VPS50: variants seen among roughly 807,000 people sequenced by gnomAD.
VPS50 encodes the protein VPS50 subunit of EARP/GARPII complex, also known as syndetin.
A neutral mutation model predicts 139.7 loss-of-function variants in VPS50; 70 were observed. The ratio of observed to expected loss-of-function variants is 0.50; its 90% confidence interval spans 0.41 to 0.61. The LOEUF (loss-of-function observed/expected upper bound fraction) is 0.61. Among genes scored for constraint, VPS50 ranks in the 20% least tolerant of loss-of-function variants. The pLI is 0.00. For missense variants in VPS50, 921 were observed against 1,133.7 expected (o/e 0.81, Z 2.69); for synonymous variants, 365 against 376.7 (o/e 0.97, Z 0.36).
At chr7:93,248,644 G>A (rs572788524) in intron 2 of VPS50, among the ~76,000 whole-genome samples, 1 of 152,116 alleles carries the variant, frequency 6.6e-6, no homozygotes, top group African/African-American at 2.4e-5. Context: ...ATTAATTTTA[G>A]TTTGATCAGT....
At chr7:93,318,522 C>T (rs964674878) in intron 20 of VPS50, among the ~76,000 whole-genome samples, 2 of 152,070 alleles carry the variant, frequency 1.3e-5, no homozygotes, top group African/African-American at 4.8e-5. Context: ...AATTAGTGTA[C>T]TGAAATAAAA....
intron 9 of VPS50, among the ~76,000 whole-genome samples, chr7:93,260,332 C>T (rs984408674): frequency 6.6e-6 from 1 of 152,094 alleles, no homozygotes; most frequent in Non-Finnish European, 1.5e-5. Flanking sequence ...AATAAATGTA[C>T]AATCTAAGTA....
In VPS50 at chr7:93,359,359, C is replaced by A. The variant is rs1798789351; in HGVS notation, c.*923C>A. 6.6e-6 allele frequency: 1 copy of A among 152,122 alleles called. No homozygotes were observed. Among genetic ancestry groups the A allele is most frequent in the African/African-American group, 2.4e-5 (1 of 41,440 alleles). The allele number at this position is 152,122 out of a possible 1,614,324, so 9.4% of individuals were successfully genotyped here. A position where few individuals can be genotyped will look rare whatever the true frequency, so the allele number is the denominator to read the frequency against. ...ATAAATGTACGGTCATATGTTCACTCTTCTTAAATATCCACCTTTTATAAC... is the reference window on the plus strand; with the variant it reads ...ATAAATGTACGGTCATATGTTCACTATTCTTAAATATCCACCTTTTATAAC... On this transcript the variant is annotated 3_prime_UTR_variant, in exon 28 of 28. Transcript: ENST00000305866.
intron 20 of VPS50, among the ~76,000 whole-genome samples, chr7:93,317,776 A>T (rs1019122652): frequency 2.0e-5 from 3 of 152,206 alleles, no homozygotes; most frequent in Non-Finnish European, 2.9e-5. Context: ...AAAATTCTTG[A>T]TTACATAACA....
chr7:93,335,844 T>G (rs1229107745), intron 22 of VPS50, among the ~76,000 whole-genome samples: 1 of 152,184 alleles, frequency 6.6e-6, no homozygotes, highest in Non-Finnish European at 1.5e-5. Context: ...AGCTACTATC[T>G]TGTGATCATC....
At chr7:93,327,053 T>C (rs570708769) in intron 21 of VPS50, among the ~76,000 whole-genome samples, 5 of 152,166 alleles carry the variant, frequency 3.3e-5, no homozygotes, top group Admixed American at 1.3e-4. Flanking sequence ...GAGGAAGACA[T>C]TGTAGAGTTT....
rs1480108251 is a variant in VPS50, at chr7:93,341,599, T to G, written c.2207+24T>G. On this transcript the variant is annotated intron_variant, in intron 23 of 27. Transcript: ENST00000305866. ...TTGTAAGTTGTTCAAAACAGTTGCG[T>G]TGCCATTAAATATTTAAGAAACTTT... 3.9e-6 allele frequency: 6 copies of G among 1,540,498 alleles called. No individual in the cohort carries two copies. In the African/African-American group the frequency reaches 8.4e-5, roughly 22 times the overall value.
chr7:93,296,858 T>C (rs1257846740), intron 15 of VPS50, 22 bp downstream of exon 15: 2 of 1,573,082 alleles, frequency 1.3e-6, no homozygotes, highest in African/African-American at 2.7e-5. Context: ...GATCTTGTCT[T>C]ATTCTTTAGT....
intron 12 of VPS50, among the ~76,000 whole-genome samples, chr7:93,285,204 G>C (rs895926730): frequency 1.1e-4 from 16 of 152,160 alleles, no homozygotes; most frequent in African/African-American, 7.2e-5. Flanking sequence ...GTGTTTTGGG[G>C]GGTGGAGGCA....
At chr7:93,327,718 G>A (rs554374309) in intron 21 of VPS50, among the ~76,000 whole-genome samples, 21 of 152,214 alleles carry the variant, frequency 1.4e-4, no homozygotes, top group Admixed American at 3.3e-4. Flanking sequence ...TTTCCGAAGA[G>A]AATAAGCTTT....
intron 1 of VPS50, among the ~76,000 whole-genome samples, chr7:93,237,160 G>C (rs1381360204): frequency 1.3e-5 from 2 of 150,056 alleles, no homozygotes; most frequent in Non-Finnish European, 3.0e-5. Flanking sequence ...GTTTCACTGT[G>C]TTAGCCAGGA....
At chr7:93,321,987 A>G (rs1462405654) in intron 20 of VPS50, among the ~76,000 whole-genome samples, 2 of 152,252 alleles carry the variant, frequency 1.3e-5, no homozygotes, top group Non-Finnish European at 2.9e-5. Flanking sequence ...TTTTAGGAGC[A>G]GTATATTTCA....
intron 5 of VPS50, 51 bp from the exon 6 acceptor site, chr7:93,257,343 A>T (rs1381685918): frequency 8.9e-7 from 1 of 1,121,128 alleles, no homozygotes; most frequent in South Asian, 1.3e-5. Flanking sequence ...TATAAATAAG[A>T]AAGAAAAATA....
chr7:93,299,845 C>T (rs903809310), intron 16 of VPS50, among the ~76,000 whole-genome samples: 2 of 152,068 alleles, frequency 1.3e-5, no homozygotes, highest in Non-Finnish European at 1.5e-5. Flanking sequence ...CAAAGAACAT[C>T]GTTCTGTCAG....
intron 11 of VPS50, among the ~76,000 whole-genome samples, chr7:93,274,992 T>C (rs889385029): frequency 6.6e-6 from 1 of 152,134 alleles, no homozygotes; most frequent in Non-Finnish European, 1.5e-5. Flanking sequence ...TTTGAGGGGT[T>C]CAAAACTTCA....
intron 2 of VPS50, among the ~76,000 whole-genome samples, chr7:93,243,414 G>C (rs1238064371): frequency 2.0e-5 from 3 of 151,266 alleles, no homozygotes; most frequent in Non-Finnish European, 4.4e-5. Flanking sequence ...CCAGTGTAGA[G>C]CCAGGTTTGG....
chr7:93,272,691 T>C lies in VPS50; in HGVS notation c.759T>C (p.Tyr253=), dbSNP rs772270094. 9 of 1,578,350 alleles carry C rather than the reference T, an allele frequency of 5.7e-6. No homozygotes were observed. Among genetic ancestry groups the C allele is most frequent in the Admixed American group, 3.5e-5 (2 of 56,768 alleles). ...KICKNFDINH[Y]TKVQQAYRLL... is the part of the protein sequence containing the mutation. ...GCAAGAATTTTGACATTAACCATTA[T>C]ACCAAGGTTCAACAAGCTTATCGAC... Residue 253 remains tyrosine (Y), a synonymous_variant, in exon 11 of 28, where the codon TAT becomes TAC. Coordinates refer to ENST00000305866, the MANE Select transcript of VPS50 (RefSeq NM_017667.4).
At chr7:93,270,318 G>C (rs1231346901) in intron 9 of VPS50, among the ~76,000 whole-genome samples, 1 of 151,798 alleles carries the variant, frequency 6.6e-6, no homozygotes, top group Non-Finnish European at 1.5e-5. Context: ...ATTCTTCTAA[G>C]GTAAGCGCTG....
chr7:93,252,863 A>T, intron 3 of VPS50, 88 bp downstream of exon 3: 2 of 1,070,370 alleles, frequency 1.9e-6, no homozygotes, highest in Middle Eastern at 3.3e-4. Context: ...TGAGGCATTT[A>T]TGTATTTTTG....
Sources: gnomAD v4.1 joint callset for allele counts (sites outside exome capture counted in the v4.1 genomes callset) on GRCh38, gnomAD v4.1.1 for gene constraint, MANE v1.5 for transcripts, NCBI Gene and HGNC (gene_info 2026-07-23, HGNC 2026-07-21) for gene names.